KCNT1: variants seen among roughly 807,000 people sequenced by gnomAD.
KCNT1 encodes potassium sodium-activated channel subfamily T member 1, also known as potassium channel subfamily T member 1.
KCNT1 carries 78 observed loss-of-function variants against 147.8 expected under a neutral mutation model. The observed-to-expected ratio is 0.53, with a 90% CI of 0.44 to 0.64. The LOEUF (loss-of-function observed/expected upper bound fraction) is 0.64, where lower values mean the gene tolerates loss of function less well. KCNT1 is among the 30% of genes least tolerant of loss of function. The pLI is 0.00. For synonymous variants in KCNT1, 867 were observed against 748.8 expected (o/e 1.16, Z -2.58); for missense variants, 1,419 against 1,750.3 (o/e 0.81, Z 3.38).
Position 135,750,246 on chromosome 9 carries a change from G to A in KCNT1, c.334+69G>A, listed in dbSNP as rs142834413. ...TGAGGGCGCCGGGAGCAAGCCTGGCGATGGCGAAGGCTGGGGCTGTGAGCT... is the reference window on the plus strand; with the variant it reads ...TGAGGGCGCCGGGAGCAAGCCTGGCAATGGCGAAGGCTGGGGCTGTGAGCT... On this transcript the variant is annotated intron_variant, in intron 3 of 30. Coordinates refer to ENST00000371757, the MANE Select transcript of KCNT1 (RefSeq NM_020822.3). The A allele has an allele frequency of 5.4e-5, 68 of 1,270,364 alleles. No homozygotes were observed. In the Middle Eastern group the frequency reaches 5.5e-4, roughly 10 times the overall value. The allele number at this position is 1,270,364 out of a possible 1,614,324, so 78.7% of individuals were successfully genotyped here.
At chr9:135,765,825 G>T (rs568678284) in intron 13 of KCNT1, 65 bp downstream of exon 13, 2 of 1,445,296 alleles carry the variant, frequency 1.4e-6, no homozygotes, top group African/African-American at 2.8e-5. Flanking sequence ...GGCTGCTCAG[G>T]GCTGAGGCAT....
In KCNT1 at chr9:135,784,772, C is replaced by T. The variant is rs148001061; in HGVS notation, c.3039C>T (p.Thr1013=). Residue 1013 remains threonine, a synonymous_variant, in exon 27 of 31, where the codon ACC becomes ACT. Transcript: ENST00000371757. ...GSGYLCAMKI[T]EGDLWIRTYG... ...TTCCCACCCTGCAGATGAAAATCAC[C>T]GAGGGCGACCTGTGGATCCGCACGT... The T allele has an allele frequency of 4.7e-5, 75 of 1,612,586 alleles. No individual in the cohort carries two copies. The Admixed American group carries it at 5.7e-4, about 12-fold the overall frequency.
intron 2 of KCNT1, among the ~76,000 whole-genome samples, chr9:135,720,668 A>C (rs111302515): frequency 2.0e-4 from 30 of 152,072 alleles, no homozygotes; most frequent in African/African-American, 6.5e-4. Flanking sequence ...TGTACCCCCA[A>C]CCCCACCTGC....
At position 135,711,697 on chromosome 9, in the gene KCNT1, C is replaced by G. The variant is rs554109888; in HGVS notation, c.111-2880C>G. Reference sequence around the variant, plus strand: ...GTGCCCAGGTGTGGACTGCCTCGCTCATTCTTGGCCTCTCCAGATGGATTC... The same window carrying G: ...GTGCCCAGGTGTGGACTGCCTCGCTGATTCTTGGCCTCTCCAGATGGATTC... On this transcript the variant is annotated intron_variant, in intron 1 of 30. Coordinates refer to ENST00000371757, the MANE Select transcript of KCNT1 (RefSeq NM_020822.3). Among the ~76,000 whole-genome samples the G allele has an allele frequency of 1.7e-4, 26 of 152,348 alleles. No homozygotes were observed. The South Asian group carries it at 5.4e-3, about 32-fold the overall frequency.
At chr9:135,735,888 T>A (rs1439325340) in intron 2 of KCNT1, among the ~76,000 whole-genome samples, 1 of 152,168 alleles carries the variant, frequency 6.6e-6, no homozygotes, top group East Asian at 1.9e-4. Context: ...GGCTGTTACC[T>A]GCCTGTCACC....
In KCNT1 at chr9:135,752,145, G is replaced by A. The variant is rs1831212851; in HGVS notation, c.434+1104G>A. On this transcript the variant is annotated intron_variant, in intron 4 of 30. Coordinates refer to ENST00000371757, the MANE Select transcript of KCNT1 (RefSeq NM_020822.3). The surrounding 1 kb of genome is among the most constrained non-coding windows in gnomAD (Gnocchi z 5.1). ...TGTGTGGTGTGGTTGTCACCATCCA[G>A]CCATCGGGGTGAACCCTGCCAGCAT... is the stretch of plus-strand genomic sequence containing the variant. 1 of 340,960 alleles carries A rather than the reference G, an allele frequency of 2.9e-6. No individual in the cohort carries two copies. Among genetic ancestry groups the A allele is most frequent in the South Asian group, 2.3e-5 (1 of 44,410 alleles). 21.1% of individuals were successfully genotyped at this position (340,960 alleles called of 1,614,324 possible). A position where few individuals can be genotyped will look rare whatever the true frequency, so the allele number is the denominator to read the frequency against.
intron 29 of KCNT1, chr9:135,788,187 A>G (rs1263980601): frequency 1.2e-6 from 2 of 1,601,128 alleles, no homozygotes; most frequent in Non-Finnish European, 1.7e-6. Flanking sequence ...GCGGGTGCCG[A>G]CCACCGCACA....
chr9:135,786,191 GC>G lies in KCNT1; in HGVS notation c.3178-3del. The G allele has an allele frequency of 1.3e-6, 2 of 1,596,996 alleles. No homozygotes were observed. The highest frequency in any genetic ancestry group is 1.7e-6 in the Non-Finnish European group (2 of 1,168,850). On this transcript the variant is annotated splice_region_variant and splice_polypyrimidine_tract_variant and intron_variant, in intron 28 of 30. Transcript: ENST00000371757. ...TCCCCGCCCTGCCCTGCCCTGCCCT[GC>G]CCAGTCCCAGATCTCGGTGAACGTG... is the stretch of plus-strand genomic sequence containing the variant.
chr9:135,785,292 C>T lies in KCNT1; in HGVS notation c.3157-18C>T, dbSNP rs367695978. On this transcript the variant is annotated intron_variant, in intron 27 of 30. Coordinates refer to ENST00000371757, the MANE Select transcript of KCNT1 (RefSeq NM_020822.3). Reference sequence around the variant, plus strand: ...GGGTGCGCCCACAGGTCCCAGACTGCGCCTGTTTCCTTTGCAGCCCCACGA... The same window carrying T: ...GGGTGCGCCCACAGGTCCCAGACTGTGCCTGTTTCCTTTGCAGCCCCACGA... 17 of 1,612,576 alleles carry T rather than the reference C, an allele frequency of 1.1e-5. No individual in the cohort carries two copies. Among genetic ancestry groups the T allele is most frequent in the Middle Eastern group, 3.3e-4 (2 of 6,072 alleles).
intron 1 of KCNT1, among the ~76,000 whole-genome samples, chr9:135,707,808 G>C (rs758035845): frequency 1.3e-5 from 2 of 152,192 alleles, no homozygotes; most frequent in African/African-American, 2.4e-5. Context: ...CCGCCGGGCT[G>C]GGAGAAAGCT....
At chr9:135,723,243 G>A (rs1835996133) in intron 2 of KCNT1, among the ~76,000 whole-genome samples, 1 of 152,238 alleles carries the variant, frequency 6.6e-6, no homozygotes, top group African/African-American at 2.4e-5. Context: ...GGCAGGGTGG[G>A]TGAGCTGTCC....
intron 2 of KCNT1, among the ~76,000 whole-genome samples, chr9:135,718,026 A>T (rs1588259923): frequency 1.3e-5 from 2 of 152,140 alleles, no homozygotes; most frequent in Admixed American, 1.3e-4. Context: ...GCACGTGGGG[A>T]CCCCAGCCCT....
intron 2 of KCNT1, among the ~76,000 whole-genome samples, chr9:135,726,360 C>T (rs560576502): frequency 6.6e-6 from 1 of 152,188 alleles, no homozygotes; most frequent in Admixed American, 6.5e-5. Flanking sequence ...GGCCGTACCC[C>T]CAGGGACAGA....
chr9:135,767,213 C>A (rs1214163514), intron 13 of KCNT1, among the ~76,000 whole-genome samples: 3 of 152,170 alleles, frequency 2.0e-5, no homozygotes, highest in Non-Finnish European at 4.4e-5. Flanking sequence ...AACGCCACCT[C>A]TTTTGTGGTC....
At chr9:135,771,884 C>T (rs1014219444) in intron 18 of KCNT1, among the ~76,000 whole-genome samples, 6 of 152,332 alleles carry the variant, frequency 3.9e-5, no homozygotes, top group African/African-American at 9.6e-5. Context: ...TACAGTGGCC[C>T]AGGCAGAGGC....
At chr9:135,746,344 G>C (rs1309803000) in intron 2 of KCNT1, among the ~76,000 whole-genome samples, 2 of 152,214 alleles carry the variant, frequency 1.3e-5, no homozygotes. Flanking sequence ...ACCAGGGTCT[G>C]GCTGGGCTCT....
At chr9:135,723,562 C>T (rs1836009208) in intron 2 of KCNT1, among the ~76,000 whole-genome samples, 1 of 152,202 alleles carries the variant, frequency 6.6e-6, no homozygotes, top group Admixed American at 6.5e-5. Flanking sequence ...GACAGCTGTG[C>T]CCACGCGTCT....
At chr9:135,782,887 C>CT (rs1833715195) in intron 24 of KCNT1, among the ~76,000 whole-genome samples, 1 of 152,266 alleles carries the variant, frequency 6.6e-6, no homozygotes, top group African/African-American at 2.4e-5. Context: ...CCGCACGAAA[C>CT]TAATTCCACT....
chr9:135,715,526 A>T (rs900710854), intron 2 of KCNT1, among the ~76,000 whole-genome samples: 1 of 64,740 alleles, frequency 1.5e-5, no homozygotes, highest in Non-Finnish European at 3.3e-5. Flanking sequence ...AGGGTACGGC[A>T]GGGTCGGGGT....
Sources: gnomAD v4.1 joint callset for allele counts (sites outside exome capture counted in the v4.1 genomes callset) on GRCh38, gnomAD v4.1.1 for gene constraint, Gnocchi (gnomAD v3.1) non-coding constraint, MANE v1.5 for transcripts, NCBI Gene and HGNC (gene_info 2026-07-23, HGNC 2026-07-21) for gene names.